REXO1: variants seen among roughly 807,000 people sequenced by gnomAD.
REXO1 encodes RNA exonuclease 1 homolog.
REXO1 carries 42 observed loss-of-function variants against 102.6 expected under a neutral mutation model. The observed-to-expected ratio is 0.41, with a 90% CI of 0.32 to 0.53. The LOEUF is 0.53. Ranked by LOEUF, REXO1 falls within the 20% of genes least tolerant of loss-of-function variation. The pLI is 0.27. For synonymous variants in REXO1, 908 were observed against 779.1 expected, an observed-to-expected ratio of 1.17 and a Z score of -2.76; for missense variants, 1,819 against 1,732.5, an observed-to-expected ratio of 1.05 and a Z score of -0.89.
At chr19:1,846,466 T>C (rs1241202184) in intron 1 of REXO1, among the ~76,000 whole-genome samples, 10 of 152,084 alleles carry the variant, frequency 6.6e-5, no homozygotes, top group Admixed American at 6.5e-4. Context: ...CACGCCATGG[T>C]AAGAGGCAGG....
chr19:1,829,356 A>G (rs2069842156), intron 1 of REXO1, among the ~76,000 whole-genome samples: 2 of 151,948 alleles, frequency 1.3e-5, no homozygotes, highest in African/African-American at 4.8e-5. Flanking sequence ...CTCCTGCCTC[A>G]GCCCCCCAAG....
At chr19:1,828,729 C>A (rs2069822494) in intron 1 of REXO1, 98 bp from the exon 2 acceptor site, 10 of 1,411,576 alleles carry the variant, frequency 7.1e-6, no homozygotes, top group African/African-American at 1.4e-5. Flanking sequence ...AGGGAAGAGA[C>A]CTGCCTCCGA....
intron 1 of REXO1, among the ~76,000 whole-genome samples, chr19:1,842,717 C>A (rs557671551): frequency 4.4e-4 from 67 of 152,358 alleles, no homozygotes; most frequent in African/African-American, 1.6e-3. Flanking sequence ...AAGCCCGGGA[C>A]CTCTGGTGTG....
chr19:1,820,489 G>T (rs2069501842), intron 5 of REXO1, 94 bp from the exon 6 acceptor site: 1 of 1,461,704 alleles, frequency 6.8e-7, no homozygotes, highest in Non-Finnish European at 9.4e-7. Context: ...ATGGCTGGAG[G>T]CAAGAGTGAG....
chr19:1,835,327 G>A (rs1044681227), intron 1 of REXO1, among the ~76,000 whole-genome samples: 3 of 152,138 alleles, frequency 2.0e-5, no homozygotes, highest in South Asian at 2.1e-4. Flanking sequence ...GAGGATCACC[G>A]AGGTCAGGAG....
rs770629767 is a variant in REXO1, at chr19:1,817,733, C to T, written c.3064G>A (p.Gly1022Ser). 9.3e-6 allele frequency: 15 copies of T among 1,612,098 alleles called. No homozygotes were observed. The highest frequency in any genetic ancestry group is 1.6e-4 in the Middle Eastern group (1 of 6,062). ...TQYMCCSAAA[G>S]SVGCQVAKQH... ...TTTGCGACTTGGCAGCCGACAGAGC[C>T]GGCGGCAGCCGAGCAGCACATGTAC... is the stretch of plus-strand genomic sequence containing the variant. Residue 1022 changes from glycine to serine, a missense_variant, in exon 11 of 16, where the codon GGC (glycine) becomes AGC (serine). By Grantham distance (56) the Gly-to-Ser change is moderately conservative (BLOSUM62 0). Transcript: ENST00000170168.
In REXO1 at chr19:1,827,600, C is replaced by A. The variant is rs772690467; in HGVS notation, c.1189G>T (p.Asp397Tyr). The change falls in exon 2 of 16, where the codon GAC (aspartate) becomes TAC (tyrosine). Residue 397 changes from aspartate (D) to tyrosine (Y), a missense_variant. Coordinates refer to ENST00000170168, the MANE Select transcript of REXO1 (RefSeq NM_020695.4). ...CCTCGGCCCTTGTCCTTGGTCTTGT[C>A]CTTCCCCTGGGCCCCGTCTTTGCAG... The part of the protein sequence containing the change: ...PSCKDGAQGK[D>Y]KTKDKGRGRP... 45 of 1,587,388 alleles carry A rather than the reference C, an allele frequency of 2.8e-5. No individual in the cohort carries two copies. The highest frequency in any genetic ancestry group is 3.8e-5 in the Non-Finnish European group (45 of 1,174,938).
rs754202059 is a variant in REXO1 at position 1,817,690 on chromosome 19, G to A, written c.3090+17C>T. 8 of 1,609,284 alleles carry A rather than the reference G, an allele frequency of 5.0e-6. No individual in the cohort carries two copies. The Admixed American group carries it at 1.2e-4, about 24-fold the overall frequency. Reference sequence around the variant, plus strand: ...CTGTTGAGAACAGGCAGAGGGGACTGGGACGCCAGGGCTCACCTTTGCGAC... The same window carrying A: ...CTGTTGAGAACAGGCAGAGGGGACTAGGACGCCAGGGCTCACCTTTGCGAC... On this transcript the variant is annotated intron_variant, in intron 11 of 15. Coordinates refer to ENST00000170168, the MANE Select transcript of REXO1 (RefSeq NM_020695.4).
rs759680811 is a variant in REXO1, at chr19:1,816,356, C to A, written c.3457-11G>T. 7 of 1,588,276 alleles carry A rather than the reference C, an allele frequency of 4.4e-6. No individual in the cohort carries two copies. The highest frequency in any genetic ancestry group is 2.3e-5 in the South Asian group (2 of 88,702). On this transcript the variant is annotated splice_polypyrimidine_tract_variant and intron_variant, in intron 14 of 15. Coordinates refer to ENST00000170168, the MANE Select transcript of REXO1 (RefSeq NM_020695.4). ...GGTGCTGTGGATGACCTGTGGGCAGCGGCAGAGATCAGCGCACGTGGGGCC... is the reference window on the plus strand; with the variant it reads ...GGTGCTGTGGATGACCTGTGGGCAGAGGCAGAGATCAGCGCACGTGGGGCC...
chr19:1,846,354 G>A (rs936347470), intron 1 of REXO1, among the ~76,000 whole-genome samples: 1 of 152,198 alleles, frequency 6.6e-6, no homozygotes, highest in African/African-American at 2.4e-5. Flanking sequence ...CCTGCCTTCT[G>A]CGGGGGGAGG....
At position 1,816,314 on chromosome 19, in the gene REXO1, A is replaced by G; in HGVS notation, c.3488T>C (p.Val1163Ala). 1 of 1,590,892 alleles carries G rather than the reference A, an allele frequency of 6.3e-7. No individual in the cohort carries two copies. The highest frequency in any genetic ancestry group is 8.6e-7 in the Non-Finnish European group (1 of 1,169,094). ...VIHSTVVDTS[V>A]LFPHRLGLPY... ...GAGGCCCAGGCGGTGGGGGAAGAGC[A>G]CAGACGTGTCCACCACGGTGCTGTG... The change falls in exon 15 of 16, where the codon GTG (valine) becomes GCG (alanine). Residue 1163 changes from valine (V) to alanine (A), a missense_variant. Physicochemically the swap from Val to Ala is moderately conservative, Grantham distance 64. Coordinates refer to ENST00000170168, the MANE Select transcript of REXO1 (RefSeq NM_020695.4).
At position 1,819,217 on chromosome 19, in the gene REXO1, C is replaced by T. The variant is rs539696393; in HGVS notation, c.2651-86G>A. ...CCTGCTCTCCCACCCACCCTGCCCT[C>T]CTCAGACCTCTGCCTCAACTCCCCC... On this transcript the variant is annotated intron_variant, in intron 7 of 15. Coordinates refer to ENST00000170168, the MANE Select transcript of REXO1 (RefSeq NM_020695.4). 1.2e-5 allele frequency: 12 copies of T among 1,007,010 alleles called. No individual in the cohort carries two copies. The African/African-American group carries it at 1.8e-4, about 15-fold the overall frequency. The allele number at this position is 1,007,010 out of a possible 1,614,324, so 62.4% of individuals were successfully genotyped here.
intron 1 of REXO1, among the ~76,000 whole-genome samples, chr19:1,842,035 A>G (rs2145331349): frequency 6.6e-6 from 1 of 152,220 alleles, no homozygotes; most frequent in South Asian, 2.1e-4. Context: ...ACATGGTGAA[A>G]CCCCATCTCT....
intron 15 of REXO1, 27 bp downstream of exon 15, chr19:1,816,198 G>T (rs781565881): frequency 6.4e-7 from 1 of 1,570,576 alleles, no homozygotes; most frequent in East Asian, 2.3e-5. Context: ...GCGCAGGGAC[G>T]GCCCCAGGGC....
intron 8 of REXO1, 47 bp downstream of exon 8, chr19:1,818,971 C>T (rs1334866515): frequency 2.6e-6 from 4 of 1,567,296 alleles, no homozygotes; most frequent in African/African-American, 1.4e-5. Flanking sequence ...GCTGGGCCGG[C>T]AGAGGCCCAC....
chr19:1,817,528 G>A (rs2069406163), intron 11 of REXO1, 179 bp downstream of exon 11: 2 of 1,464,006 alleles, frequency 1.4e-6, no homozygotes, highest in South Asian at 1.4e-5. Context: ...GATGGGAAGT[G>A]GCCAGGGACA....
intron 1 of REXO1, among the ~76,000 whole-genome samples, chr19:1,837,885 G>A (rs2070086882): frequency 6.6e-6 from 1 of 152,230 alleles, no homozygotes; most frequent in African/African-American, 2.4e-5. Context: ...GGCGTCCTGG[G>A]CATTTATTCA....
Position 1,815,792 on chromosome 19 carries a change from T to C in REXO1, c.*274A>G. ...GGGGCAGGAGGGGCTGCGGGCCGGG[T>C]GGGGGCGGGCTCTGTCCTGGTCTCC... On this transcript the variant is annotated 3_prime_UTR_variant, in exon 16 of 16. Coordinates refer to ENST00000170168, the MANE Select transcript of REXO1 (RefSeq NM_020695.4). This position sits in a 1 kb window ranked among gnomAD's most constrained non-coding sequence, Gnocchi z 4.0. The C allele has an allele frequency of 7.0e-7, 1 of 1,432,784 alleles. No homozygotes were observed. The highest frequency in any genetic ancestry group is 9.2e-7 in the Non-Finnish European group (1 of 1,087,478). 88.8% of individuals were successfully genotyped at this position (1,432,784 alleles called of 1,614,324 possible).
At chr19:1,820,533 GGACA>G in intron 5 of REXO1, 138 bp from the exon 6 acceptor site, 1 of 959,212 alleles carries the variant, frequency 1.0e-6, no homozygotes, top group Non-Finnish European at 1.5e-6. Context: ...GCTGCAGTAG[GGACA>G]GACACGCCAA....
Sources: allele counts gnomAD v4.1 joint callset (sites outside exome capture counted in the v4.1 genomes callset), GRCh38; gene constraint gnomAD v4.1.1; non-coding constraint Gnocchi (gnomAD v3.1); transcripts MANE v1.5; gene names NCBI Gene and HGNC (gene_info 2026-07-23, HGNC 2026-07-21).